Variants in CTNND2 observed in about 807,000 individuals in gnomAD.
The protein encoded by CTNND2 is catenin delta-2.
CTNND2 carries 22 observed loss-of-function variants against 144.4 expected under a neutral mutation model. That is an observed-to-expected ratio of 0.15 (90% CI 0.11 to 0.22). CTNND2 has a LOEUF of 0.22. Among genes scored for constraint, CTNND2 ranks in the 10% least tolerant of loss-of-function variants. The probability of loss-of-function intolerance (pLI) is 1.00; values close to 1 mark genes in which losing one functional copy is unlikely to be tolerated. For missense variants in CTNND2, 1,353 were observed against 1,618.8 expected, an observed-to-expected ratio of 0.84 and a Z score of 2.82; for synonymous variants, 751 against 695.6, an observed-to-expected ratio of 1.08 and a Z score of -1.25.
chr5:11,796,351 A>C (rs1791402179), intron 1 of CTNND2, among the ~76,000 whole-genome samples: 1 of 152,218 alleles, frequency 6.6e-6, no homozygotes, highest in African/African-American at 2.4e-5. Flanking sequence ...GTCCACATCC[A>C]GCCCAATTAC....
rs992395607 is a variant in CTNND2, at chr5:11,903,726, G to A, written c.37+91C>T. 1.2e-5 allele frequency: 16 copies of A among 1,322,080 alleles called. No homozygotes were observed. The African/African-American group carries it at 2.3e-4, about 19-fold the overall frequency. The allele number at this position is 1,322,080 out of a possible 1,614,324, so 81.9% of individuals were successfully genotyped here. On this transcript the variant is annotated intron_variant, in intron 1 of 21. Coordinates refer to ENST00000304623, the MANE Select transcript of CTNND2 (RefSeq NM_001332.4). The surrounding 1 kb of genome is among the most constrained non-coding windows in gnomAD (Gnocchi z 5.4). The stretch of plus-strand genomic sequence containing the variant: ...CGCCGCCGCCGCCTGCCGGCCGGGA[G>A]CCCAGGACCACCCCCACCAGCGGCA...
At chr5:11,901,481 G>A (rs947224720) in intron 1 of CTNND2, among the ~76,000 whole-genome samples, 1 of 152,172 alleles carries the variant, frequency 6.6e-6, no homozygotes, top group Non-Finnish European at 1.5e-5. Flanking sequence ...TTCACTGGGA[G>A]AAAGAATTGG....
rs61753303 is a variant in CTNND2, at chr5:11,159,409, C to T, written c.2159+167G>A. On this transcript the variant is annotated intron_variant, in intron 12 of 21. Coordinates refer to ENST00000304623, the MANE Select transcript of CTNND2 (RefSeq NM_001332.4). ...GAAAGATACCTATATGTCTTTATTA[C>T]CTGGTTAGAAAATTTAAAATTAACT... Among the ~76,000 whole-genome samples, 13,924 of 152,198 alleles carry T rather than the reference C, an allele frequency of 0.091. 827 individuals are homozygous for T. The highest frequency in any genetic ancestry group is 0.13 in the Non-Finnish European group (8,676 of 68,010).
chr5:11,543,655 T>C (rs908686256), intron 3 of CTNND2, among the ~76,000 whole-genome samples: 3 of 151,170 alleles, frequency 2.0e-5, no homozygotes, highest in African/African-American at 7.3e-5. Context: ...TTTTTAAACC[T>C]ACAGCAGTTC....
chr5:11,842,577 G>T (rs1292150647), intron 1 of CTNND2, among the ~76,000 whole-genome samples: 2 of 151,856 alleles, frequency 1.3e-5, no homozygotes, highest in African/African-American at 4.8e-5. Flanking sequence ...AAATTAGCCG[G>T]GCACGGTGGC....
At chr5:11,381,928 C>T (rs561520790) in intron 7 of CTNND2, among the ~76,000 whole-genome samples, 6 of 152,170 alleles carry the variant, frequency 3.9e-5, no homozygotes, top group Non-Finnish European at 7.4e-5. Flanking sequence ...GATCACGCCA[C>T]GGCACTCTAG....
chr5:11,195,018 G>A (rs935201076), intron 11 of CTNND2, among the ~76,000 whole-genome samples: 2 of 152,082 alleles, frequency 1.3e-5, no homozygotes, highest in African/African-American at 4.8e-5. Flanking sequence ...GAAAATACAA[G>A]AGAAATAATC....
intron 9 of CTNND2, among the ~76,000 whole-genome samples, chr5:11,238,969 G>C (rs552884367): frequency 3.3e-5 from 5 of 152,340 alleles, no homozygotes; most frequent in Admixed American, 2.0e-4. Flanking sequence ...GCAAGGCTCA[G>C]ATAGCACAGT....
chr5:11,769,176 T>C (rs542423419), intron 1 of CTNND2, among the ~76,000 whole-genome samples: 31 of 152,270 alleles, frequency 2.0e-4, no homozygotes, highest in Admixed American at 2.0e-4. Flanking sequence ...CTTTCGGGAC[T>C]ACCTGCTCTA....
chr5:11,723,341 C>T (rs1383681329), intron 2 of CTNND2, among the ~76,000 whole-genome samples: 1 of 151,902 alleles, frequency 6.6e-6, no homozygotes, highest in Non-Finnish European at 1.5e-5. Flanking sequence ...CTCATTCCAC[C>T]TGATTAAATG....
rs1738164926 is a variant in CTNND2, at chr5:11,904,344, C to G, written c.-491G>C. On this transcript the variant is annotated 5_prime_UTR_variant, in exon 1 of 22. Coordinates refer to ENST00000304623, the MANE Select transcript of CTNND2 (RefSeq NM_001332.4). The surrounding 1 kb of genome is among the most constrained non-coding windows in gnomAD (Gnocchi z 4.2). ...GCCGCCGAGGGCGAGGCTCCTCCCG[C>G]GGCGCGCGGCAGCCTCAGCCTCCAC... Among the ~76,000 whole-genome samples, 1 of 150,040 alleles carries G rather than the reference C, an allele frequency of 6.7e-6. No individual in the cohort carries two copies. The highest frequency in any genetic ancestry group is 2.4e-5 in the African/African-American group (1 of 41,142).
At chr5:11,577,409 T>A (rs530550785) in intron 2 of CTNND2, among the ~76,000 whole-genome samples, 1 of 152,316 alleles carries the variant, frequency 6.6e-6, no homozygotes, top group East Asian at 1.9e-4. Flanking sequence ...TAAATTGTAA[T>A]GAGATGCAAA....
At chr5:11,676,217 C>T (rs779604474) in intron 2 of CTNND2, among the ~76,000 whole-genome samples, 13 of 152,124 alleles carry the variant, frequency 8.5e-5, no homozygotes, top group Non-Finnish European at 1.6e-4. Context: ...AACAGCCTTC[C>T]TTCTGAAGAG....
At chr5:11,146,383 C>T (rs1757247296) in intron 12 of CTNND2, among the ~76,000 whole-genome samples, 1 of 152,194 alleles carries the variant, frequency 6.6e-6, no homozygotes, top group South Asian at 2.1e-4. Context: ...GCAGCAGCAT[C>T]ATGGGAAAAG....
chr5:10,974,411 C>T (rs1224072557), intron 21 of CTNND2, among the ~76,000 whole-genome samples: 9 of 152,188 alleles, frequency 5.9e-5, no homozygotes, highest in Admixed American at 5.9e-4. Context: ...ATAAAATAGT[C>T]CATGGTATGC....
intron 2 of CTNND2, among the ~76,000 whole-genome samples, chr5:11,668,056 T>C (rs1383174493): frequency 6.6e-6 from 1 of 152,230 alleles, no homozygotes; most frequent in East Asian, 1.9e-4. Context: ...GTCAGGTTTG[T>C]CAAAGATCAG....
At chr5:11,578,753 G>T (rs1026277284) in intron 2 of CTNND2, among the ~76,000 whole-genome samples, 4 of 152,306 alleles carry the variant, frequency 2.6e-5, no homozygotes, top group African/African-American at 9.6e-5. Context: ...GGCAGTCAGA[G>T]AGGTTAAGTG....
intron 1 of CTNND2, among the ~76,000 whole-genome samples, chr5:11,740,960 T>G (rs1315933844): frequency 6.6e-6 from 1 of 152,096 alleles, no homozygotes; most frequent in African/African-American, 2.4e-5. Flanking sequence ...AACAGACACA[T>G]GAAAAAATTC....
At chr5:11,442,807 T>C (rs957025854) in intron 3 of CTNND2, among the ~76,000 whole-genome samples, 1 of 145,464 alleles carries the variant, frequency 6.9e-6, no homozygotes, top group African/African-American at 2.5e-5. Flanking sequence ...ATGTATATAA[T>C]TTTATATAAT....
Sources: allele counts gnomAD v4.1 joint callset (sites outside exome capture counted in the v4.1 genomes callset), GRCh38; gene constraint gnomAD v4.1.1; non-coding constraint Gnocchi (gnomAD v3.1); transcripts MANE v1.5; gene names NCBI Gene and HGNC (gene_info 2026-07-23, HGNC 2026-07-21).